The following CCDC192 variants were observed in gnomAD, a reference collection of about 807,000 sequenced individuals.
CCDC192 encodes coiled-coil domain-containing protein 192.
intron 3 of CCDC192, among the ~76,000 whole-genome samples, chr5:127,758,427 C>G (rs565089428): frequency 1.3e-5 from 2 of 152,130 alleles, no homozygotes; most frequent in East Asian, 3.8e-4. Context: ...TCACTAATGT[C>G]AAAATAAAAG....
At chr5:127,915,443 G>A (rs771648449) in intron 6 of CCDC192, among the ~76,000 whole-genome samples, 13 of 152,148 alleles carry the variant, frequency 8.5e-5, no homozygotes, top group Admixed American at 1.3e-4. Flanking sequence ...ATGCAGTGGC[G>A]CAATCTCTGC....
chr5:127,940,616 A>AT (rs1754366825), intron 6 of CCDC192: 1 of 151,770 alleles, frequency 6.6e-6, no homozygotes. Flanking sequence ...CGCCCGGCTA[A>AT]TTTTTTGTAT....
At chr5:127,804,006 G>C (rs1052654557) in intron 5 of CCDC192, among the ~76,000 whole-genome samples, 1 of 152,220 alleles carries the variant, frequency 6.6e-6, no homozygotes, top group African/African-American at 2.4e-5. Context: ...TGGAAGCTCA[G>C]GGTGAGGAAC....
chr5:127,805,807 G>C (rs1003512494), intron 5 of CCDC192, among the ~76,000 whole-genome samples: 11 of 152,164 alleles, frequency 7.2e-5, no homozygotes, highest in African/African-American at 2.4e-4. Context: ...ATCTGCACTG[G>C]ATGATTATTT....
At chr5:127,897,139 A>G (rs1752915625) in intron 6 of CCDC192, among the ~76,000 whole-genome samples, 1 of 152,068 alleles carries the variant, frequency 6.6e-6, no homozygotes, top group African/African-American at 2.4e-5. Context: ...CAAAATAAAT[A>G]GCTACACAGT....
intron 2 of CCDC192, among the ~76,000 whole-genome samples, chr5:127,708,525 A>G (rs1457966318): frequency 1.3e-5 from 2 of 152,244 alleles, no homozygotes; most frequent in Non-Finnish European, 2.9e-5. Context: ...TATTTCTGGA[A>G]CAATCTTTTC....
At chr5:127,895,602 G>A (rs1752857893) in intron 6 of CCDC192, among the ~76,000 whole-genome samples, 1 of 152,210 alleles carries the variant, frequency 6.6e-6, no homozygotes. Flanking sequence ...CACTTTGGGA[G>A]GCCGAGGTGG....
chr5:127,820,237 T>C (rs1478081305), intron 5 of CCDC192, among the ~76,000 whole-genome samples: 1 of 152,212 alleles, frequency 6.6e-6, no homozygotes, highest in East Asian at 1.9e-4. Context: ...AACCACAAAA[T>C]ATAGCCAATG....
chr5:127,794,015 G>C (rs574978142), intron 3 of CCDC192, among the ~76,000 whole-genome samples: 5 of 152,262 alleles, frequency 3.3e-5, no homozygotes, highest in African/African-American at 1.2e-4. Flanking sequence ...CTTCCTTTCT[G>C]AGTATGCCTG....
intron 2 of CCDC192, among the ~76,000 whole-genome samples, chr5:127,725,341 A>G (rs1752259485): frequency 6.6e-6 from 1 of 152,210 alleles, no homozygotes; most frequent in South Asian, 2.1e-4. Flanking sequence ...GATTGATTCC[A>G]TCATCAGCAT....
At chr5:127,889,741 G>A (rs1246911098) in intron 6 of CCDC192, among the ~76,000 whole-genome samples, 1 of 152,144 alleles carries the variant, frequency 6.6e-6, no homozygotes, top group Non-Finnish European at 1.5e-5. Context: ...CCCTACCCCA[G>A]TTGGCACGCT....
intron 3 of CCDC192, among the ~76,000 whole-genome samples, chr5:127,756,718 G>A (rs762748849): frequency 2.6e-5 from 4 of 152,226 alleles, no homozygotes; most frequent in Non-Finnish European, 5.9e-5. Context: ...TTGGACCCCA[G>A]GCAAGAACAG....
chr5:127,732,973 C>T (rs1349685706), intron 2 of CCDC192, among the ~76,000 whole-genome samples: 2 of 152,066 alleles, frequency 1.3e-5, no homozygotes, highest in East Asian at 1.9e-4. Flanking sequence ...CAAACCTGCA[C>T]ATCCTACACA....
chr5:127,774,203 G>A (rs182456743), intron 3 of CCDC192, among the ~76,000 whole-genome samples: 59 of 151,960 alleles, frequency 3.9e-4, no homozygotes, highest in African/African-American at 1.3e-3. Context: ...CTCACATCTC[G>A]TAAGTTGTCT....
At chr5:127,719,956 A>G (rs1052608652) in intron 2 of CCDC192, among the ~76,000 whole-genome samples, 1 of 152,086 alleles carries the variant, frequency 6.6e-6, no homozygotes, top group African/African-American at 2.4e-5. Flanking sequence ...CTCTTCCTCC[A>G]ACATTGGGGA....
chr5:127,707,799 A>C, intron 2 of CCDC192, 39 bp downstream of exon 2: 1 of 398,120 alleles, frequency 2.5e-6, no homozygotes, highest in Non-Finnish European at 4.4e-6. Flanking sequence ...TATTTAAAAA[A>C]ATCATTACAG....
chr5:127,935,932 C>G (rs1011418205), intron 6 of CCDC192, among the ~76,000 whole-genome samples: 1 of 151,998 alleles, frequency 6.6e-6, no homozygotes, highest in African/African-American at 2.4e-5. Flanking sequence ...TGGAGAAATC[C>G]CGTCTCTACT....
At chr5:127,846,138 A>G (rs1750522235) in intron 5 of CCDC192, among the ~76,000 whole-genome samples, 1 of 151,890 alleles carries the variant, frequency 6.6e-6, no homozygotes, top group African/African-American at 2.4e-5. Context: ...AAAATACAAA[A>G]ATTAGCCAGT....
intron 5 of CCDC192, among the ~76,000 whole-genome samples, chr5:127,852,528 C>T (rs245192): frequency 0.66 from 100,186 of 151,966 alleles, 33,094 homozygotes; most frequent in Non-Finnish European, 0.69. Flanking sequence ...ACCCAGATAT[C>T]TCCATCTCAC....
Sources: gnomAD v4.1 joint callset for allele counts (sites outside exome capture counted in the v4.1 genomes callset) on GRCh38, gnomAD v4.1.1 for gene constraint, MANE v1.5 for transcripts, NCBI Gene and HGNC (gene_info 2026-07-23, HGNC 2026-07-21) for gene names.